The following ZNF710 variants were observed in gnomAD, a reference collection of about 807,000 sequenced individuals.
The protein encoded by ZNF710 is zinc finger protein 710.
In ZNF710, 13 loss-of-function variants were observed where a neutral mutation model predicts 50.6. That is an observed-to-expected ratio of 0.26 (90% CI 0.17 to 0.41). The LOEUF (loss-of-function observed/expected upper bound fraction) is 0.41, where lower values mean the gene tolerates loss of function less well. Among genes scored for constraint, ZNF710 ranks in the 10% least tolerant of loss-of-function variants. The pLI is 1.00. For synonymous variants in ZNF710, 383 were observed against 397.0 expected (o/e 0.96, Z 0.42); for missense variants, 721 against 936.6 (o/e 0.77, Z 3.01).
intron 1 of ZNF710, among the ~76,000 whole-genome samples, chr15:90,012,024 G>A (rs536781278): frequency 1.3e-5 from 2 of 152,218 alleles, no homozygotes; most frequent in South Asian, 4.1e-4. Flanking sequence ...GGCCAACATG[G>A]TGAAACCCTG....
chr15:90,026,264 AACAAC>A (rs1449505304), intron 1 of ZNF710, among the ~76,000 whole-genome samples: 46 of 32,506 alleles, frequency 1.4e-3, no homozygotes, highest in African/African-American at 6.7e-3. Flanking sequence ...CAACAACAAC[AACAAC>A]AAAAAAAAAA....
rs1252354786 is a variant in ZNF710 at position 90,044,314 on chromosome 15, G to A, written c.-28-22796G>A. Among the ~76,000 whole-genome samples, 3 of 152,228 alleles carry A rather than the reference G, an allele frequency of 2.0e-5. No homozygotes were observed. In the East Asian group the frequency reaches 5.8e-4, roughly 29 times the overall value. ...ATATGGGGCTCAAGATGAGGGTGAA[G>A]GCAGAGGCGGATGTGGTCCCACGGG... On this transcript the variant is annotated intron_variant, in intron 1 of 4. Transcript: ENST00000268154.
At chr15:90,043,076 C>G (rs28635283) in intron 1 of ZNF710, among the ~76,000 whole-genome samples, 38,222 of 152,246 alleles carry the variant, frequency 0.25, 8,657 homozygotes, top group African/African-American at 0.61. Flanking sequence ...GACAGCCCAT[C>G]CCAGGGCTGA....
rs1198589361 is a variant in ZNF710, at chr15:90,067,814, T to C, written c.677T>C (p.Leu226Pro). The change falls in exon 2 of 5, where the codon CTG becomes CCG. Residue 226 changes from leucine (L) to proline (P), a missense_variant. Leu to Pro is a moderately conservative substitution (Grantham distance 98). Transcript: ENST00000268154. This position sits in a 1 kb window ranked among gnomAD's most constrained non-coding sequence, Gnocchi z 8.1. Reference sequence around the variant, plus strand: ...TTCGAGCCACCCCACCTGGCCCCCCTGAGTGACCCCGAGGCCCCCAGCATG... The same window carrying C: ...TTCGAGCCACCCCACCTGGCCCCCCCGAGTGACCCCGAGGCCCCCAGCATG... ...CGFEPPHLAP[L>P]SDPEAPSMES... 1 of 1,582,106 alleles carries C rather than the reference T, an allele frequency of 6.3e-7. No homozygotes were observed. Among genetic ancestry groups the C allele is most frequent in the Admixed American group, 1.7e-5 (1 of 58,120 alleles).
intron 1 of ZNF710, among the ~76,000 whole-genome samples, chr15:90,033,007 A>G (rs1194539152): frequency 3.9e-5 from 6 of 152,220 alleles, no homozygotes; most frequent in Admixed American, 6.5e-5. Context: ...TCTTTAATTT[A>G]TAAACATTCT....
At chr15:90,008,441 C>CATATATATATACACAT (rs1898202334) in intron 1 of ZNF710, among the ~76,000 whole-genome samples, 6 of 126,478 alleles carry the variant, frequency 4.7e-5, no homozygotes, top group African/African-American at 1.9e-4. Context: ...TATATATATA[C>CATATATATATACACAT]ATATATATAT....
Position 90,068,705 on chromosome 15 carries a change from C to G in ZNF710, c.1458+110C>G, listed in dbSNP as rs1045948560. ...CATTTAGGTGGTCTCCTAGTTTTAT[C>G]GTTACGTACTTATTTTGATGAGTAT... On this transcript the variant is annotated intron_variant, in intron 2 of 4. Coordinates refer to ENST00000268154, the MANE Select transcript of ZNF710 (RefSeq NM_198526.4). The surrounding 1 kb of genome is among the most constrained non-coding windows in gnomAD (Gnocchi z 5.0). The G allele has an allele frequency of 4.1e-6, 5 of 1,213,780 alleles. No individual in the cohort carries two copies. The highest frequency in any genetic ancestry group is 5.7e-6 in the Non-Finnish European group (5 of 877,222). The allele number at this position is 1,213,780 out of a possible 1,614,324, so 75.2% of individuals were successfully genotyped here. A position where few individuals can be genotyped will look rare whatever the true frequency, so the allele number is the denominator to read the frequency against.
intron 1 of ZNF710, among the ~76,000 whole-genome samples, chr15:90,009,997 C>T (rs1898256360): frequency 6.6e-6 from 1 of 152,168 alleles, no homozygotes; most frequent in Non-Finnish European, 1.5e-5. Flanking sequence ...GTCTTCTCCA[C>T]CTTGGGTCTG....
intron 1 of ZNF710, among the ~76,000 whole-genome samples, chr15:90,065,537 C>T (rs886293047): frequency 2.0e-5 from 3 of 152,144 alleles, no homozygotes; most frequent in Admixed American, 1.3e-4. Flanking sequence ...GGACCTCGAG[C>T]CACGCCTCGG....
At chr15:90,071,752 C>T (rs528059748) in intron 2 of ZNF710, among the ~76,000 whole-genome samples, 16 of 148,680 alleles carry the variant, frequency 1.1e-4, no homozygotes, top group African/African-American at 3.7e-4. Context: ...GATCTCAGCT[C>T]ACTGCAACCT....
chr15:90,042,630 G>A (rs887437464), intron 1 of ZNF710, among the ~76,000 whole-genome samples: 1 of 152,168 alleles, frequency 6.6e-6, no homozygotes, highest in Non-Finnish European at 1.5e-5. Flanking sequence ...TTCAGGTTTC[G>A]TCATGACTCG....
At chr15:90,055,618 G>C (rs1420355589) in intron 1 of ZNF710, among the ~76,000 whole-genome samples, 3 of 152,212 alleles carry the variant, frequency 2.0e-5, no homozygotes, top group African/African-American at 7.2e-5. Context: ...TAGCATGCTA[G>C]GGCAAGGGAC....
At chr15:90,015,934 G>A (rs1898443746) in intron 1 of ZNF710, among the ~76,000 whole-genome samples, 1 of 152,158 alleles carries the variant, frequency 6.6e-6, no homozygotes, top group Non-Finnish European at 1.5e-5. Flanking sequence ...CTGTGCAGTT[G>A]TAATAAAGAA....
intron 1 of ZNF710, among the ~76,000 whole-genome samples, chr15:90,001,998 G>GAGAGAGAGAGAGAGAGAGAGAGAGA: frequency 7.4e-6 from 1 of 134,596 alleles, no homozygotes; most frequent in African/African-American, 2.9e-5. Context: ...AGAGAGAGAG[G>GAGAGAGAGAGAGAGAGAGAGAGAGA]CAAAAATGAA....
chr15:90,048,422 G>A (rs561195363), intron 1 of ZNF710, among the ~76,000 whole-genome samples: 1 of 152,348 alleles, frequency 6.6e-6, no homozygotes, highest in South Asian at 2.1e-4. Context: ...ACGAAGCCCT[G>A]GCATCAGCAC....
chr15:90,017,677 G>A (rs1350568280), intron 1 of ZNF710, among the ~76,000 whole-genome samples: 1 of 151,958 alleles, frequency 6.6e-6, no homozygotes, highest in African/African-American at 2.4e-5. Flanking sequence ...TGGTTACTTG[G>A]TGAAGGTGGG....
At chr15:90,029,739 C>T (rs1269080522) in intron 1 of ZNF710, among the ~76,000 whole-genome samples, 4 of 151,976 alleles carry the variant, frequency 2.6e-5, no homozygotes, top group South Asian at 2.1e-4. Context: ...CTCAGCCTCC[C>T]GAGTAGCTGG....
intron 1 of ZNF710, among the ~76,000 whole-genome samples, chr15:90,016,670 C>G (rs1898465112): frequency 2.0e-5 from 3 of 152,146 alleles, no homozygotes; most frequent in Admixed American, 2.0e-4. Context: ...CTCAGTGATT[C>G]TTCCACCTTG....
rs532560777 is a variant in ZNF710, at chr15:90,061,855, G to A, written c.-28-5255G>A. ...TCAGGAAATGGAGACAGGTGGAGGA[G>A]CCAGGCGACTTGCCCAGCCTTTACA... On this transcript the variant is annotated intron_variant, in intron 1 of 4. Transcript: ENST00000268154. Among the ~76,000 whole-genome samples, 7 of 152,328 alleles carry A rather than the reference G, an allele frequency of 4.6e-5. 1 individual carries two copies. In the South Asian group the frequency reaches 1.4e-3, roughly 32 times the overall value.
Sources: gnomAD v4.1 joint callset for allele counts (sites outside exome capture counted in the v4.1 genomes callset) on GRCh38, gnomAD v4.1.1 for gene constraint, Gnocchi (gnomAD v3.1) non-coding constraint, MANE v1.5 for transcripts, NCBI Gene and HGNC (gene_info 2026-07-23, HGNC 2026-07-21) for gene names.